RCHY1: variants seen among roughly 807,000 people sequenced by gnomAD.
RCHY1 encodes the protein RING finger and CHY zinc finger domain-containing protein 1.
RCHY1 carries 21 observed loss-of-function variants against 41.6 expected under a neutral mutation model. That is an observed-to-expected ratio of 0.51 (90% confidence interval 0.36 to 0.73). RCHY1 has a LOEUF of 0.73. Ranked by LOEUF, RCHY1 falls within the 30% of genes least tolerant of loss-of-function variation. The probability of loss-of-function intolerance (pLI) is 0.00; values close to 1 mark genes in which losing one functional copy is unlikely to be tolerated. For synonymous variants in RCHY1, 79 were observed against 102.9 expected, an observed-to-expected ratio of 0.77 and a Z score of 1.41; for missense variants, 265 against 325.3, an observed-to-expected ratio of 0.81 and a Z score of 1.43.
intron 8 of RCHY1, among the ~76,000 whole-genome samples, chr4:75,487,064 G>A (rs752256528): frequency 1.3e-5 from 2 of 151,996 alleles, no homozygotes; most frequent in East Asian, 1.9e-4. Context: ...AATACAGAAC[G>A]TTCAAAAGAA....
intron 1 of RCHY1, among the ~76,000 whole-genome samples, chr4:75,511,251 T>G (rs1235574971): frequency 6.6e-6 from 1 of 152,144 alleles, no homozygotes; most frequent in Non-Finnish European, 1.5e-5. Context: ...TCATTAAAAG[T>G]CTTTAGGTAT....
rs531991518 is a variant in RCHY1 at position 75,479,716 on chromosome 4, T to C, written c.*2822A>G. On this transcript the variant is annotated 3_prime_UTR_variant, in exon 9 of 9. Transcript: ENST00000324439. ...CACCAAAAAATTCGTAAGGGTATTG[T>C]TATTTTACTTTTTTCAAAAATAATC... The C allele has an allele frequency of 4.9e-4, 75 of 152,268 alleles. No homozygotes were observed. Among genetic ancestry groups the C allele is most frequent in the African/African-American group, 1.7e-3 (70 of 41,568 alleles). The allele number at this position is 152,268 out of a possible 1,614,324, so 9.4% of individuals were successfully genotyped here. A position where few individuals can be genotyped will look rare whatever the true frequency, so the allele number is the denominator to read the frequency against.
At chr4:75,488,703 A>G (rs545665243) in intron 8 of RCHY1, among the ~76,000 whole-genome samples, 10 of 152,292 alleles carry the variant, frequency 6.6e-5, no homozygotes, top group East Asian at 3.9e-4. Flanking sequence ...CACAAATCCA[A>G]TGTTAAGCAT....
chr4:75,494,648 T>C (rs906918307), intron 3 of RCHY1, among the ~76,000 whole-genome samples: 2 of 151,892 alleles, frequency 1.3e-5, no homozygotes, highest in Non-Finnish European at 2.9e-5. Flanking sequence ...GCTACAATGA[T>C]ACAGTAAACA....
At chr4:75,512,973 C>T (rs1211475968) in intron 1 of RCHY1, among the ~76,000 whole-genome samples, 1 of 147,850 alleles carries the variant, frequency 6.8e-6, no homozygotes, top group Non-Finnish European at 1.5e-5. Flanking sequence ...TGCTATGATA[C>T]ACAGATCTAA....
chr4:75,502,307 A>G (rs1002592286), intron 3 of RCHY1, among the ~76,000 whole-genome samples: 1 of 152,094 alleles, frequency 6.6e-6, no homozygotes, highest in African/African-American at 2.4e-5. Flanking sequence ...TTGGGAGGCC[A>G]AGGCAGGTGG....
chr4:75,489,379 C>T lies in RCHY1; in HGVS notation c.657+1202G>A, dbSNP rs150299445. 2.3e-3 allele frequency among the ~76,000 whole-genome samples: 347 copies of T among 152,160 alleles called. 1 individual carries two copies. Among genetic ancestry groups the T allele is most frequent in the African/African-American group, 8.0e-3 (332 of 41,500 alleles). The stretch of plus-strand genomic sequence containing the variant: ...CAAGAGGGTTAACTCTATTACAGTA[C>T]CTAAAAGGTTATTATAAAATGTGTT... On this transcript the variant is annotated intron_variant, in intron 8 of 8. Transcript: ENST00000324439.
chr4:75,503,324 A>G (rs932143822), intron 3 of RCHY1, among the ~76,000 whole-genome samples: 10 of 152,214 alleles, frequency 6.6e-5, no homozygotes, highest in African/African-American at 2.4e-4. Context: ...AATAAATCAG[A>G]TTATGATTTT....
chr4:75,484,035 A>G (rs1721773269), intron 8 of RCHY1, among the ~76,000 whole-genome samples: 1 of 152,228 alleles, frequency 6.6e-6, no homozygotes, highest in Non-Finnish European at 1.5e-5. Context: ...AAATAAAGAA[A>G]GTCAAGACCC....
At chr4:75,503,743 A>C (rs930927658) in intron 3 of RCHY1, among the ~76,000 whole-genome samples, 1 of 152,150 alleles carries the variant, frequency 6.6e-6, no homozygotes, top group Non-Finnish European at 1.5e-5. Context: ...TCACTTAGTC[A>C]TTTATTAGGA....
intron 8 of RCHY1, among the ~76,000 whole-genome samples, chr4:75,484,459 AC>A (rs1350150798): frequency 6.6e-6 from 1 of 152,106 alleles, no homozygotes; most frequent in Non-Finnish European, 1.5e-5. Flanking sequence ...AAATGGCAAA[AC>A]AGCAGGGGGT....
Position 75,490,561 on chromosome 4 carries a change from T to A in RCHY1, c.657+20A>T, listed in dbSNP as rs759357057. The A allele has an allele frequency of 4.4e-6, 7 of 1,596,080 alleles. No individual in the cohort carries two copies. The South Asian group carries it at 6.9e-5, about 16-fold the overall frequency. The stretch of plus-strand genomic sequence containing the variant: ...TGCCAACAAGGAGTCTACAAAGTTT[T>A]AAGTATTGATTCTACTCACATCCAC... On this transcript the variant is annotated intron_variant, in intron 8 of 8. Coordinates refer to ENST00000324439, the MANE Select transcript of RCHY1 (RefSeq NM_015436.4).
chr4:75,491,475 A>G, intron 7 of RCHY1, 136 bp downstream of exon 7: 1 of 709,528 alleles, frequency 1.4e-6, no homozygotes, highest in Non-Finnish European at 2.3e-6. Context: ...AACAATATTC[A>G]TCTACCCTAC....
At position 75,488,432 on chromosome 4, in the gene RCHY1, T is replaced by C. The variant is rs928557920; in HGVS notation, c.657+2149A>G. Reference sequence around the variant, plus strand: ...GGACCCTGACAAACTCTCTTAAATATAGACTTCTGACAACTTTAGGACTTG... The same window carrying C: ...GGACCCTGACAAACTCTCTTAAATACAGACTTCTGACAACTTTAGGACTTG... On this transcript the variant is annotated intron_variant, in intron 8 of 8. Transcript: ENST00000324439. Among the ~76,000 whole-genome samples, 5 of 152,154 alleles carry C rather than the reference T, an allele frequency of 3.3e-5. No homozygotes were observed. In the East Asian group the frequency reaches 9.6e-4, roughly 29 times the overall value.
rs1006814025 is a variant in RCHY1, at chr4:75,505,472, TAA to T, written c.326+3346_326+3347del. 5.7e-4 allele frequency among the ~76,000 whole-genome samples: 87 copies of T among 152,222 alleles called. 1 individual carries two copies. Among genetic ancestry groups the T allele is most frequent in the African/African-American group, 2.0e-3 (85 of 41,524 alleles). ...ACTTGAATGTCAATAAATCAACCAA[TAA>T]AAGAGGGTATGATTTTCTTGGTTGT... On this transcript the variant is annotated intron_variant, in intron 3 of 8. Transcript: ENST00000324439.
At chr4:75,494,234 T>C in intron 3 of RCHY1, 55 bp from the exon 4 acceptor site, 1 of 1,237,202 alleles carries the variant, frequency 8.1e-7, no homozygotes, top group South Asian at 1.3e-5. Flanking sequence ...ACAGTCATGA[T>C]TTGTTCATTA....
At chr4:75,487,539 A>AATATATATATTCATAAT (rs1722171778) in intron 8 of RCHY1, among the ~76,000 whole-genome samples, 5 of 113,450 alleles carry the variant, frequency 4.4e-5, no homozygotes, top group East Asian at 2.3e-4. Context: ...ATATATTCAT[A>AATATATATATTCATAAT]ATATATATAT....
intron 3 of RCHY1, among the ~76,000 whole-genome samples, chr4:75,497,876 G>GA (rs551012724): frequency 6.7e-6 from 1 of 150,198 alleles, no homozygotes; most frequent in Non-Finnish European, 1.5e-5. Context: ...CAGAGACAAA[G>GA]AAAAAAAATC....
In RCHY1 at chr4:75,491,767, G is replaced by C; in HGVS notation, c.466C>G (p.Arg156Gly). The C allele has an allele frequency of 1.2e-6, 2 of 1,612,674 alleles. No individual in the cohort carries two copies. The highest frequency in any genetic ancestry group is 1.7e-6 in the Non-Finnish European group (2 of 1,179,080). Residue 156 changes from arginine (R) to glycine (G), a missense_variant, in exon 6 of 9, where the codon CGT becomes GGT. Arg to Gly is a moderately radical substitution (Grantham distance 125). Transcript: ENST00000324439. ...CATGGCAAGACATGAGCAACAACAC[G>C]GGATGTGTGAATGTCCTGTAAATGA... ...PICLEDIHTS[R>G]VVAHVLPCGH...
Sources: allele counts gnomAD v4.1 joint callset (sites outside exome capture counted in the v4.1 genomes callset), GRCh38; gene constraint gnomAD v4.1.1; transcripts MANE v1.5; gene names NCBI Gene and HGNC (gene_info 2026-07-23, HGNC 2026-07-21).